RABGAP1L: variants seen among roughly 807,000 people sequenced by gnomAD.
RABGAP1L encodes rab GTPase-activating protein 1-like.
RABGAP1L carries 63 observed loss-of-function variants against 137.7 expected under a neutral mutation model. The ratio of observed to expected loss-of-function variants is 0.46; its 90% CI spans 0.37 to 0.56. The LOEUF is 0.56. Among genes scored for constraint, RABGAP1L ranks in the 20% least tolerant of loss-of-function variants. RABGAP1L has a pLI of 0.00. For missense variants in RABGAP1L, 1,095 were observed against 1,244.0 expected, an observed-to-expected ratio of 0.88 and a Z score of 1.80; for synonymous variants, 431 against 433.7, an observed-to-expected ratio of 0.99 and a Z score of 0.08.
intron 2 of RABGAP1L, among the ~76,000 whole-genome samples, chr1:174,219,694 G>A (rs1276009730): frequency 6.6e-6 from 1 of 152,086 alleles, no homozygotes; most frequent in African/African-American, 2.4e-5. Flanking sequence ...AGCTGGTAAC[G>A]TTCCGTTGTG....
intron 18 of RABGAP1L, among the ~76,000 whole-genome samples, chr1:174,800,840 A>G (rs1688698690): frequency 6.6e-6 from 1 of 152,180 alleles, no homozygotes; most frequent in Non-Finnish European, 1.5e-5. Context: ...TGTTATGTAT[A>G]TCTCCAAAGG....
intron 18 of RABGAP1L, among the ~76,000 whole-genome samples, chr1:174,770,019 C>A (rs1049985272): frequency 2.0e-5 from 3 of 152,092 alleles, no homozygotes; most frequent in Non-Finnish European, 4.4e-5. Context: ...AGTTAATATT[C>A]ATGTTACAAA....
intron 13 of RABGAP1L, among the ~76,000 whole-genome samples, chr1:174,602,564 C>A (rs1295391011): frequency 6.6e-6 from 1 of 152,144 alleles, no homozygotes; most frequent in Non-Finnish European, 1.5e-5. Context: ...CTATATCAGG[C>A]CAGTAACTCA....
At chr1:174,460,276 G>A (rs74126808) in intron 13 of RABGAP1L, among the ~76,000 whole-genome samples, 5,263 of 151,184 alleles carry the variant, frequency 0.035, 121 homozygotes, top group Middle Eastern at 0.088. Context: ...ATTTTTAATT[G>A]TCAAAGAAAT....
At chr1:174,534,921 G>A (rs190392860) in intron 13 of RABGAP1L, among the ~76,000 whole-genome samples, 1 of 152,144 alleles carries the variant, frequency 6.6e-6, no homozygotes, top group African/African-American at 2.4e-5. Flanking sequence ...TTGATCTGAT[G>A]ACAGTTGAAT....
At chr1:174,490,072 A>G (rs889090808) in intron 13 of RABGAP1L, among the ~76,000 whole-genome samples, 9 of 152,044 alleles carry the variant, frequency 5.9e-5, no homozygotes, top group African/African-American at 2.2e-4. Flanking sequence ...TCTTTCTCCA[A>G]GAGTGGTCCC....
intron 5 of RABGAP1L, among the ~76,000 whole-genome samples, chr1:174,248,876 T>C (rs1338738017): frequency 6.6e-6 from 1 of 152,206 alleles, no homozygotes; most frequent in African/African-American, 2.4e-5. Context: ...ATTCTTCTTA[T>C]CTGTACTTCC....
chr1:174,682,864 C>A (rs772991738), intron 14 of RABGAP1L, among the ~76,000 whole-genome samples: 46 of 152,104 alleles, frequency 3.0e-4, no homozygotes, highest in Non-Finnish European at 5.9e-4. Flanking sequence ...GTGGAATAGC[C>A]AAAGCACTTG....
chr1:174,711,970 T>C (rs1040839789), intron 17 of RABGAP1L, among the ~76,000 whole-genome samples: 1 of 152,138 alleles, frequency 6.6e-6, no homozygotes, highest in African/African-American at 2.4e-5. Flanking sequence ...CACCAATCAG[T>C]GCTCTGTGTC....
intron 19 of RABGAP1L, among the ~76,000 whole-genome samples, chr1:174,909,298 A>C (rs1275549198): frequency 2.0e-5 from 3 of 151,964 alleles, no homozygotes; most frequent in African/African-American, 7.3e-5. Flanking sequence ...ATCTCAGCTC[A>C]CTGCAAGCTC....
chr1:174,300,100 A>G (rs1186235027), intron 10 of RABGAP1L, among the ~76,000 whole-genome samples: 1 of 152,224 alleles, frequency 6.6e-6, no homozygotes. Flanking sequence ...AACATATATT[A>G]TCATTATTCA....
At chr1:174,908,970 G>A (rs113203129) in intron 19 of RABGAP1L, among the ~76,000 whole-genome samples, 2,200 of 149,094 alleles carry the variant, frequency 0.015, 21 homozygotes, top group Non-Finnish European at 0.022. Context: ...TCAGGAGATC[G>A]AGACCATCCT....
intron 4 of RABGAP1L, among the ~76,000 whole-genome samples, chr1:174,235,984 G>C (rs1225346910): frequency 1.6e-5 from 1 of 63,256 alleles, no homozygotes; most frequent in Non-Finnish European, 2.6e-5. Flanking sequence ...ACTTCTTCCT[G>C]GTTTAGTCTT....
At chr1:174,472,178 G>T (rs1297494818) in intron 13 of RABGAP1L, among the ~76,000 whole-genome samples, 2 of 152,178 alleles carry the variant, frequency 1.3e-5, no homozygotes, top group East Asian at 3.8e-4. Flanking sequence ...TTTTCTTGCA[G>T]CCAGGGCAGA....
chr1:174,732,116 T>G (rs905047261), intron 17 of RABGAP1L, among the ~76,000 whole-genome samples: 1 of 152,082 alleles, frequency 6.6e-6, no homozygotes, highest in Non-Finnish European at 1.5e-5. Flanking sequence ...GGAGAATCAC[T>G]TGGACCTGGA....
intron 18 of RABGAP1L, among the ~76,000 whole-genome samples, chr1:174,808,048 A>G (rs1406809079): frequency 6.8e-6 from 1 of 146,226 alleles, no homozygotes; most frequent in African/African-American, 2.6e-5. Flanking sequence ...CAGTGGCGCG[A>G]TCTCGGCCCA....
intron 13 of RABGAP1L, among the ~76,000 whole-genome samples, chr1:174,443,062 T>C (rs1483455716): frequency 6.6e-6 from 1 of 152,280 alleles, no homozygotes; most frequent in African/African-American, 2.4e-5. Context: ...TTCTTTTTTA[T>C]AGTTGAATAA....
intron 19 of RABGAP1L, among the ~76,000 whole-genome samples, chr1:174,878,099 A>G (rs1024796994): frequency 6.6e-6 from 1 of 152,140 alleles, no homozygotes; most frequent in Non-Finnish European, 1.5e-5. Flanking sequence ...TTCTCTCAGG[A>G]TCTTAGTGTG....
chr1:174,938,669 A>G (rs570561868), intron 19 of RABGAP1L: 1 of 152,276 alleles, frequency 6.6e-6, no homozygotes, highest in Non-Finnish European at 1.5e-5. Flanking sequence ...TATTAGGGAA[A>G]ACATCATTTA....
Sources: allele counts gnomAD v4.1 joint callset (sites outside exome capture counted in the v4.1 genomes callset), GRCh38; gene constraint gnomAD v4.1.1; transcripts MANE v1.5; gene names NCBI Gene and HGNC (gene_info 2026-07-23, HGNC 2026-07-21).